Variants in BCLAF1 observed in about 807,000 individuals in gnomAD.
BCLAF1 encodes the protein bcl-2-associated transcription factor 1.
BCLAF1 carries 10 observed loss-of-function variants against 99.5 expected under a neutral mutation model. That is an observed-to-expected ratio of 0.10 (90% CI 0.06 to 0.17). The LOEUF (loss-of-function observed/expected upper bound fraction) is 0.17, where lower values mean the gene tolerates loss of function less well. Among genes scored for constraint, BCLAF1 ranks in the 10% least tolerant of loss-of-function variants. The pLI, the probability that BCLAF1 is intolerant of heterozygous loss-of-function variation, is 1.00. For synonymous variants in BCLAF1, 255 were observed against 370.9 expected (o/e 0.69, Z 3.59); for missense variants, 636 against 1,105.8 (o/e 0.58, Z 6.02).
chr6:136,287,930 AG>A (rs1181732718), intron 1 of BCLAF1, among the ~76,000 whole-genome samples: 9 of 152,178 alleles, frequency 5.9e-5, no homozygotes, highest in African/African-American at 2.2e-4. Flanking sequence ...CTGAGGCAGG[AG>A]AATCGCTTGG....
At chr6:136,280,299 CA>C (rs1784200271) in intron 2 of BCLAF1, among the ~76,000 whole-genome samples, 1 of 152,088 alleles carries the variant, frequency 6.6e-6, no homozygotes, top group Non-Finnish European at 1.5e-5. Flanking sequence ...ACAATACTAA[CA>C]AAAAATAAAC....
At position 136,273,816 on chromosome 6, in the gene BCLAF1, A is replaced by T. The variant is rs986816508; in HGVS notation, c.1853-629T>A. On this transcript the variant is annotated intron_variant, in intron 6 of 12. Coordinates refer to ENST00000531224, the MANE Select transcript of BCLAF1 (RefSeq NM_014739.3). ...TCTTTAAACAATTTTCAAACTAGTA[A>T]TATCAATACTGATTATTTTTAAAAC... The T allele has an allele frequency of 8.7e-6, 3 of 346,562 alleles. No homozygotes were observed. In the East Asian group the frequency reaches 4.4e-4, roughly 51 times the overall value. The allele number at this position is 346,562 out of a possible 1,614,324, so 21.5% of individuals were successfully genotyped here. A position where few individuals can be genotyped will look rare whatever the true frequency, so the allele number is the denominator to read the frequency against.
intron 2 of BCLAF1, among the ~76,000 whole-genome samples, chr6:136,280,129 A>T (rs931953616): frequency 2.0e-5 from 3 of 152,198 alleles, no homozygotes; most frequent in Non-Finnish European, 4.4e-5. Context: ...TATGAGCCTC[A>T]ATCCTAAAAG....
intron 1 of BCLAF1, among the ~76,000 whole-genome samples, chr6:136,284,459 T>C (rs1395969478): frequency 1.3e-5 from 2 of 152,164 alleles, no homozygotes; most frequent in Non-Finnish European, 1.5e-5. Context: ...AGGAAATGTA[T>C]CTATGTAAGT....
chr6:136,273,355 A>C lies in BCLAF1; in HGVS notation c.1853-168T>G, dbSNP rs988831083. 1.1e-4 allele frequency: 66 copies of C among 576,238 alleles called. 1 individual carries two copies. In the Middle Eastern group the frequency reaches 1.4e-3, roughly 12 times the overall value. The allele number at this position is 576,238 out of a possible 1,614,324, so 35.7% of individuals were successfully genotyped here. A position where few individuals can be genotyped will look rare whatever the true frequency, so the allele number is the denominator to read the frequency against. On this transcript the variant is annotated intron_variant, in intron 6 of 12. Coordinates refer to ENST00000531224, the MANE Select transcript of BCLAF1 (RefSeq NM_014739.3). ...CTACCCTTTCAATTTCTTGTACCTC[A>C]ACAGGAGAGTGTTTCGAAAGTTGCT...
Position 136,284,130 on chromosome 6 carries a change from G to GTGTATATATA in BCLAF1, c.-114-1444_-114-1443insTATATATACA, listed in dbSNP as rs36141174. ...TATACATATATATGTGTGTGTGTGT[G>GTGTATATATA]TATATATATATATATATATATATAT... is the stretch of plus-strand genomic sequence containing the variant. On this transcript the variant is annotated intron_variant, in intron 1 of 12. Coordinates refer to ENST00000531224, the MANE Select transcript of BCLAF1 (RefSeq NM_014739.3). 3.7e-3 allele frequency among the ~76,000 whole-genome samples: 452 copies of GTGTATATATA among 122,058 alleles called. 1 individual carries two copies. Among genetic ancestry groups the GTGTATATATA allele is most frequent in the African/African-American group, 5.0e-3 (122 of 24,546 alleles). 80.1% of individuals were successfully genotyped at this position (122,058 alleles called of 152,430 possible). A position where few individuals can be genotyped will look rare whatever the true frequency, so the allele number is the denominator to read the frequency against.
intron 11 of BCLAF1, among the ~76,000 whole-genome samples, chr6:136,266,553 T>C (rs1781741524): frequency 6.6e-6 from 1 of 152,090 alleles, no homozygotes; most frequent in Non-Finnish European, 1.5e-5. Flanking sequence ...GCAACTTTTC[T>C]GTAATGTAAT....
At position 136,272,030 on chromosome 6, in the gene BCLAF1, C is replaced by T. The variant is rs758197074; in HGVS notation, c.2008G>A (p.Gly670Arg). Reference sequence around the variant, plus strand: ...TCTTCTTTAAAAACTCTCTCTTCCCCTGCTAAACGGGTATGCTTCCTCAGG... The same window carrying T: ...TCTTCTTTAAAAACTCTCTCTTCCCTTGCTAAACGGGTATGCTTCCTCAGG... ...STLRKHTRLA[G>R]EERVFKEENQ... Residue 670 changes from glycine to arginine, a missense_variant, in exon 8 of 13, where the codon GGG (glycine) becomes AGG (arginine). By Grantham distance (125) the Gly-to-Arg change is moderately radical (BLOSUM62 -2). Around this residue, in one of 9 missense-constraint regions of BCLAF1, gnomAD observed 180 missense variants for 270.0 expected, o/e 0.67. Transcript: ENST00000531224. The T allele has an allele frequency of 6.2e-7, 1 of 1,606,450 alleles. No homozygotes were observed. Among genetic ancestry groups the T allele is most frequent in the South Asian group, 1.1e-5 (1 of 90,244 alleles).
intron 12 of BCLAF1, 40 bp downstream of exon 12, chr6:136,261,225 C>A: frequency 3.1e-6 from 5 of 1,597,372 alleles, no homozygotes; most frequent in Non-Finnish European, 4.3e-6. Context: ...AAACCTATAT[C>A]AAAAAAAATC....
In BCLAF1 at chr6:136,274,590, T is replaced by G. The variant is rs1782996740; in HGVS notation, c.1852+942A>C. On this transcript the variant is annotated intron_variant, in intron 6 of 12. Transcript: ENST00000531224. ...ATGTATCAACTGCATAAAGAACTGC[T>G]AGAGGCAAGTTTCATCTATTACATT... 1.3e-5 allele frequency among the ~76,000 whole-genome samples: 2 copies of G among 152,008 alleles called. 1 individual carries two copies. The highest frequency in any genetic ancestry group is 4.1e-4 in the South Asian group (2 of 4,836).
chr6:136,286,758 A>C (rs2128493668), intron 1 of BCLAF1, among the ~76,000 whole-genome samples: 1 of 152,322 alleles, frequency 6.6e-6, no homozygotes, highest in Admixed American at 6.5e-5. Context: ...ACCCGAGGTC[A>C]GGAGTTCGAG....
rs36141174 is a variant in BCLAF1, at chr6:136,284,130, G to GTGTATATATATA, written c.-114-1444_-114-1443insTATATATATACA. Among the ~76,000 whole-genome samples the GTGTATATATATA allele has an allele frequency of 1.3e-3, 159 of 122,094 alleles. 1 individual carries two copies. The highest frequency in any genetic ancestry group is 3.8e-3 in the East Asian group (17 of 4,492). The allele number at this position is 122,094 out of a possible 152,430, so 80.1% of individuals were successfully genotyped here. A position where few individuals can be genotyped will look rare whatever the true frequency, so the allele number is the denominator to read the frequency against. Reference sequence around the variant, plus strand: ...TATACATATATATGTGTGTGTGTGTGTATATATATATATATATATATATAT... The same window carrying GTGTATATATATA: ...TATACATATATATGTGTGTGTGTGTGTGTATATATATATATATATATATATATATATATATAT... On this transcript the variant is annotated intron_variant, in intron 1 of 12. Coordinates refer to ENST00000531224, the MANE Select transcript of BCLAF1 (RefSeq NM_014739.3).
At position 136,256,694 on chromosome 6, in the gene BCLAF1, A is replaced by C. The variant is rs1780500967; in HGVS notation, c.*4416T>G. On this transcript the variant is annotated 3_prime_UTR_variant, in exon 13 of 13. Transcript: ENST00000531224. ...CAATAAATAAATAAATAAATAAATA[A>C]ATAAATAAATAAATAATTCAAAGTG... 1 of 162,678 alleles carries C rather than the reference A, an allele frequency of 6.1e-6. No individual in the cohort carries two copies. The highest frequency in any genetic ancestry group is 1.3e-5 in the Non-Finnish European group (1 of 77,310). 10.1% of individuals were successfully genotyped at this position (162,678 alleles called of 1,614,324 possible). A position where few individuals can be genotyped will look rare whatever the true frequency, so the allele number is the denominator to read the frequency against.
chr6:136,279,631 A>T, intron 3 of BCLAF1, 132 bp downstream of exon 3: 1 of 963,890 alleles, frequency 1.0e-6, no homozygotes, highest in Non-Finnish European at 1.3e-6. Context: ...CAATAAGGAT[A>T]ACAATAGATC....
Position 136,269,445 on chromosome 6 carries a change from T to C in BCLAF1, c.2211A>G (p.Lys737=). ...PKDYKEYKSY[K]DDSKHKREQD... Reference sequence around the variant, plus strand: ...TCAGTTTGAACAATTACCTGTCATCTTTGTAAGATTTGTATTCCTTGTAAT... The same window carrying C: ...TCAGTTTGAACAATTACCTGTCATCCTTGTAAGATTTGTATTCCTTGTAAT... The change falls in exon 9 of 13, where the codon AAA becomes AAG. Residue 737 remains lysine (K), a synonymous_variant. Transcript: ENST00000531224. The C allele has an allele frequency of 1.2e-6, 2 of 1,606,370 alleles. No homozygotes were observed. Among genetic ancestry groups the C allele is most frequent in the South Asian group, 2.2e-5 (2 of 89,588 alleles).
chr6:136,264,845 A>C (rs1781501223), intron 11 of BCLAF1, among the ~76,000 whole-genome samples: 1 of 152,206 alleles, frequency 6.6e-6, no homozygotes, highest in Non-Finnish European at 1.5e-5. Context: ...TGTTTTATAG[A>C]GACCAAGATT....
intron 1 of BCLAF1, among the ~76,000 whole-genome samples, chr6:136,285,591 T>C (rs945757102): frequency 6.6e-6 from 1 of 152,198 alleles, no homozygotes; most frequent in African/African-American, 2.4e-5. Context: ...CCAAGATCAT[T>C]TGTTAATAGA....
chr6:136,279,917 A>G (rs959672102), intron 2 of BCLAF1, 41 bp from the exon 3 acceptor site: 8 of 1,385,904 alleles, frequency 5.8e-6, no homozygotes, highest in African/African-American at 3.0e-5. Flanking sequence ...AAATTACAAT[A>G]TGATATTTAA....
At chr6:136,271,369 T>C in intron 8 of BCLAF1, among the ~76,000 whole-genome samples, 1 of 151,854 alleles carries the variant, frequency 6.6e-6, no homozygotes, top group African/African-American at 2.4e-5. Flanking sequence ...AAAGGTCATT[T>C]TGAATTGTCA....
Sources: gnomAD v4.1 joint callset for allele counts (sites outside exome capture counted in the v4.1 genomes callset) on GRCh38, gnomAD v4.1.1 for gene constraint, gnomAD v4.1.1 regional missense constraint, MANE v1.5 for transcripts, NCBI Gene and HGNC (gene_info 2026-07-23, HGNC 2026-07-21) for gene names.